HERC2: variants seen among roughly 807,000 people sequenced by gnomAD.
HERC2 encodes HECT and RLD domain containing E3 ubiquitin protein ligase 2, also known as E3 ubiquitin-protein ligase HERC2.
HERC2 carries 102 observed loss-of-function variants against 537.7 expected under a neutral mutation model. The observed-to-expected ratio is 0.19, with a 90% CI of 0.16 to 0.22. The LOEUF is 0.22. HERC2 is among the 10% of genes least tolerant of loss of function. The probability of loss-of-function intolerance (pLI) is 1.00; values close to 1 mark genes in which losing one functional copy is unlikely to be tolerated. For missense variants in HERC2, 4,236 were observed against 6,198.2 expected (o/e 0.68, Z 10.63); for synonymous variants, 2,224 against 2,466.2 (o/e 0.90, Z 2.91).
intron 6 of HERC2, among the ~76,000 whole-genome samples, chr15:28,274,659 T>C (rs1179805146): frequency 2.0e-5 from 3 of 152,230 alleles, no homozygotes. Flanking sequence ...ATTAAGTCTG[T>C]ACTCAGGTGT....
intron 44 of HERC2, among the ~76,000 whole-genome samples, chr15:28,208,112 T>A (rs1420669116): frequency 6.6e-6 from 1 of 152,190 alleles, no homozygotes; most frequent in Admixed American, 6.5e-5. Flanking sequence ...ATCTTCATGT[T>A]CCCTATAACC....
chr15:28,298,155 T>G lies in HERC2; in HGVS notation c.187+1247A>C, dbSNP rs577525275. Among the ~76,000 whole-genome samples, 23 of 151,496 alleles carry G rather than the reference T, an allele frequency of 1.5e-4. No homozygotes were observed. In the East Asian group the frequency reaches 3.5e-3, roughly 23 times the overall value. ...TTTCCCATGGTTTGTTTTGTGTTTT[T>G]TGTTTTTTTTTTTTTTGAGATGGAG... On this transcript the variant is annotated intron_variant, in intron 3 of 92. Transcript: ENST00000261609.
At chr15:28,218,396 C>T in intron 38 of HERC2, 93 bp downstream of exon 38, 1 of 1,059,052 alleles carries the variant, frequency 9.4e-7, no homozygotes, top group Non-Finnish European at 1.4e-6. Context: ...GAAAGGAATC[C>T]ACACACATCC....
Position 28,214,710 on chromosome 15 carries a change from A to G in HERC2, c.6303T>C (p.Phe2101=), listed in dbSNP as rs1596251803. ...RDMKCLVEKL[F]DFLGSLLTTC... ...TAGTGAGCAAGCTTCCCAAGAAGTC[A>G]AACAGCTTCTCCACGAGGCATTTCA... is the stretch of plus-strand genomic sequence containing the variant. The change falls in exon 40 of 93, where the codon TTT becomes TTC. Residue 2101 remains phenylalanine (F), a synonymous_variant. Coordinates refer to ENST00000261609, the MANE Select transcript of HERC2 (RefSeq NM_004667.6). The G allele has an allele frequency of 1.2e-6, 2 of 1,612,050 alleles. No homozygotes were observed. Among genetic ancestry groups the G allele is most frequent in the East Asian group, 2.2e-5 (1 of 44,880 alleles).
chr15:28,163,469 CTA>C (rs754323411), intron 68 of HERC2, among the ~76,000 whole-genome samples, 184 bp from the exon 69 acceptor site: 2 of 152,084 alleles, frequency 1.3e-5, no homozygotes, highest in African/African-American at 4.8e-5. Context: ...AAGCCATGTA[CTA>C]TGTTTTCAAG....
intron 78 of HERC2, 57 bp from the exon 79 acceptor site, chr15:28,135,749 TTA>T: frequency 7.8e-7 from 1 of 1,275,804 alleles, no homozygotes; most frequent in Non-Finnish European, 1.1e-6. Context: ...TCCCCTAAAT[TTA>T]CTAATTCATA....
intron 38 of HERC2, among the ~76,000 whole-genome samples, chr15:28,216,829 TCA>T (rs1899957490): frequency 6.7e-6 from 1 of 149,516 alleles, no homozygotes; most frequent in African/African-American, 2.5e-5. Context: ...CCATGCACTC[TCA>T]CATACACTTA....
intron 86 of HERC2, chr15:28,117,819 A>T: frequency 5.9e-6 from 2 of 339,850 alleles, no homozygotes; most frequent in Non-Finnish European, 1.2e-5. Flanking sequence ...ATTCCCAAAG[A>T]CACCAGGGCA....
chr15:28,279,880 T>C (rs2075978273), intron 5 of HERC2, among the ~76,000 whole-genome samples, 188 bp downstream of exon 5: 1 of 152,166 alleles, frequency 6.6e-6, no homozygotes, highest in Non-Finnish European at 1.5e-5. Flanking sequence ...CACAGCATGG[T>C]CTATTACTAC....
intron 9 of HERC2, among the ~76,000 whole-genome samples, chr15:28,271,483 A>C (rs1192651064): frequency 5.9e-5 from 9 of 152,172 alleles, no homozygotes; most frequent in Non-Finnish European, 8.8e-5. Flanking sequence ...CCTGGGTAAC[A>C]TGGTGAAACC....
At chr15:28,212,130 C>G (rs1316614331) in intron 43 of HERC2, among the ~76,000 whole-genome samples, 1 of 152,164 alleles carries the variant, frequency 6.6e-6, no homozygotes, top group African/African-American at 2.4e-5. Flanking sequence ...GACTGGGCCA[C>G]AGGGCCCTGG....
chr15:28,286,490 T>C (rs1258977142), intron 4 of HERC2, among the ~76,000 whole-genome samples: 1 of 152,100 alleles, frequency 6.6e-6, no homozygotes, highest in East Asian at 1.9e-4. Flanking sequence ...ACCCTATTAA[T>C]AGGCTAAAGA....
At chr15:28,250,416 C>G (rs1302274036) in intron 20 of HERC2, among the ~76,000 whole-genome samples, 1 of 152,072 alleles carries the variant, frequency 6.6e-6, no homozygotes, top group African/African-American at 2.4e-5. Context: ...GTATGCTACA[C>G]CTGAAGGAGC....
intron 69 of HERC2, among the ~76,000 whole-genome samples, chr15:28,154,559 A>G (rs1169236299): frequency 1.3e-5 from 2 of 152,182 alleles, no homozygotes. Flanking sequence ...TCTGCCAAGC[A>G]CATCATCTGC....
rs1378984435 is a variant in HERC2 at position 28,130,604 on chromosome 15, G to A, written c.12571-10C>T. 1.3e-6 allele frequency: 2 copies of A among 1,595,678 alleles called. No homozygotes were observed. Among genetic ancestry groups the A allele is most frequent in the Admixed American group, 1.7e-5 (1 of 59,980 alleles). On this transcript the variant is annotated splice_polypyrimidine_tract_variant and intron_variant, in intron 81 of 92. Transcript: ENST00000261609. ...CAGTAAGAGAATCAATCTAGAGGGG[G>A]AAAAGGTTCAATTAGACAGACAGCA...
chr15:28,293,264 C>T (rs1271704557), intron 3 of HERC2, among the ~76,000 whole-genome samples: 2 of 152,064 alleles, frequency 1.3e-5, no homozygotes, highest in Non-Finnish European at 2.9e-5. Flanking sequence ...GAAGCCATGG[C>T]GGGTGGATCA....
At chr15:28,142,175 G>C in intron 76 of HERC2, 63 bp downstream of exon 76, 1 of 1,547,436 alleles carries the variant, frequency 6.5e-7, no homozygotes, top group Non-Finnish European at 8.8e-7. Context: ...TTGGCATCTT[G>C]TTACACTATA....
At chr15:28,231,499 C>T (rs1046437558) in intron 30 of HERC2, among the ~76,000 whole-genome samples, 6 of 152,110 alleles carry the variant, frequency 3.9e-5, no homozygotes, top group African/African-American at 1.4e-4. Flanking sequence ...TGTGACTGGC[C>T]CCCAACAAAA....
In HERC2 at chr15:28,255,194, G is replaced by A. The variant is rs185848227; in HGVS notation, c.2872-676C>T. ...CTACAAAAAAATCACAAAACTAGCC[G>A]GGCATGGTGACATGTCTGTGGTCCC... On this transcript the variant is annotated intron_variant, in intron 19 of 92. Transcript: ENST00000261609. Among the ~76,000 whole-genome samples, 7 of 152,196 alleles carry A rather than the reference G, an allele frequency of 4.6e-5. No individual in the cohort carries two copies. The East Asian group carries it at 1.2e-3, about 25-fold the overall frequency.
Sources: allele counts gnomAD v4.1 joint callset (sites outside exome capture counted in the v4.1 genomes callset), GRCh38; gene constraint gnomAD v4.1.1; transcripts MANE v1.5; gene names NCBI Gene and HGNC (gene_info 2026-07-23, HGNC 2026-07-21).